ARHGEF12: variants seen among roughly 807,000 people sequenced by gnomAD.
ARHGEF12 encodes KMT2A/ARHGEF12 fusion protein.
ARHGEF12 carries 66 observed loss-of-function variants against 211.2 expected under a neutral mutation model. The ratio of observed to expected loss-of-function variants is 0.31; its 90% confidence interval spans 0.26 to 0.38. The LOEUF (loss-of-function observed/expected upper bound fraction) is 0.38. Ranked by LOEUF, ARHGEF12 falls within the 10% of genes least tolerant of loss-of-function variation. The probability of loss-of-function intolerance (pLI) is 1.00; values close to 1 mark genes in which losing one functional copy is unlikely to be tolerated. For missense variants in ARHGEF12, 1,429 were observed against 1,869.5 expected (o/e 0.76, Z 4.34); for synonymous variants, 592 against 638.4 (o/e 0.93, Z 1.09).
chr11:120,433,705 C>G (rs1343925799), intron 11 of ARHGEF12, among the ~76,000 whole-genome samples: 1 of 152,144 alleles, frequency 6.6e-6, no homozygotes, highest in Non-Finnish European at 1.5e-5. Context: ...CCTGTAATCC[C>G]AGCACTTTGG....
chr11:120,369,455 TATA>T, intron 1 of ARHGEF12, among the ~76,000 whole-genome samples: 1 of 152,190 alleles, frequency 6.6e-6, no homozygotes, highest in Non-Finnish European at 1.5e-5. Context: ...ATTGAAAACT[TATA>T]ATACATTTCA....
At chr11:120,344,229 G>A (rs1337904559) in intron 1 of ARHGEF12, among the ~76,000 whole-genome samples, 2 of 116,844 alleles carry the variant, frequency 1.7e-5, no homozygotes, top group East Asian at 2.9e-4. Context: ...TTGCACCACT[G>A]CACTCCTACC....
Position 120,429,598 on chromosome 11 carries a change from A to G in ARHGEF12, c.663+81A>G, listed in dbSNP as rs1016173618. On this transcript the variant is annotated intron_variant, in intron 9 of 40. Coordinates refer to ENST00000397843, the MANE Select transcript of ARHGEF12 (RefSeq NM_015313.3). ...GTTGAGTTGGTGTTTATCAGTCACA[A>G]TCAAGCAGCATTGTAACCAATGCCA... 3.0e-5 allele frequency: 47 copies of G among 1,569,786 alleles called. 1 individual carries two copies. The Middle Eastern group carries it at 6.7e-4, about 22-fold the overall frequency.
chr11:120,346,782 C>A lies in ARHGEF12; in HGVS notation c.32+9507C>A, dbSNP rs983113358. On this transcript the variant is annotated intron_variant, in intron 1 of 40. Transcript: ENST00000397843. ...AACCTCCCTTGTTCCCTTTATTACT[C>A]CAGCAGTTAATGTACGGACAATCTT... Among the ~76,000 whole-genome samples the A allele has an allele frequency of 4.6e-5, 7 of 152,258 alleles. No homozygotes were observed. The South Asian group carries it at 1.0e-3, about 23-fold the overall frequency.
intron 1 of ARHGEF12, among the ~76,000 whole-genome samples, chr11:120,370,813 C>G (rs1158631579): frequency 6.6e-6 from 1 of 152,082 alleles, no homozygotes; most frequent in Non-Finnish European, 1.5e-5. Context: ...TTCCCATCCC[C>G]CATTCCAACC....
intron 4 of ARHGEF12, among the ~76,000 whole-genome samples, chr11:120,416,238 C>T (rs954598536): frequency 6.6e-6 from 1 of 152,190 alleles, no homozygotes; most frequent in African/African-American, 2.4e-5. Flanking sequence ...GACTTGTCTA[C>T]TTGTCTGAAT....
chr11:120,458,649 A>G (rs1946433931), intron 25 of ARHGEF12: 1 of 212,748 alleles, frequency 4.7e-6, no homozygotes, highest in Non-Finnish European at 9.3e-6. Flanking sequence ...AGTGTTCTTT[A>G]TTTACCCTAG....
intron 22 of ARHGEF12, 128 bp from the exon 23 acceptor site, chr11:120,456,990 C>A: frequency 1.3e-6 from 1 of 772,782 alleles, no homozygotes. Context: ...TTCTAGTGAA[C>A]CTGCAGTTGT....
intron 21 of ARHGEF12, chr11:120,450,383 A>AT: frequency 6.6e-6 from 1 of 152,102 alleles, no homozygotes; most frequent in East Asian, 1.9e-4. Flanking sequence ...AAAAAAAAAA[A>AT]AAAAAAAAAA....
intron 1 of ARHGEF12, among the ~76,000 whole-genome samples, chr11:120,399,549 T>A (rs138036491): frequency 6.6e-6 from 1 of 152,050 alleles, no homozygotes. Context: ...AATGAATGCA[T>A]ACCAACTGTA....
In ARHGEF12 at chr11:120,489,747, A is replaced by G. The variant is rs1025226404; in HGVS notation, c.*4670A>G. The stretch of plus-strand genomic sequence containing the variant: ...ACATTTTAAAGATTAAGACTATTCA[A>G]ATGTACTTTGCGGAAATTAACCTGT... On this transcript the variant is annotated 3_prime_UTR_variant, in exon 41 of 41. Transcript: ENST00000397843. 5 of 196,060 alleles carry G rather than the reference A, an allele frequency of 2.6e-5. No individual in the cohort carries two copies. Among genetic ancestry groups the G allele is most frequent in the East Asian group, 2.4e-4 (3 of 12,530 alleles). 12.1% of individuals were successfully genotyped at this position (196,060 alleles called of 1,614,324 possible). A position where few individuals can be genotyped will look rare whatever the true frequency, so the allele number is the denominator to read the frequency against.
intron 39 of ARHGEF12, among the ~76,000 whole-genome samples, chr11:120,483,258 CTTTTTT>C (rs777120176): frequency 1.0e-5 from 1 of 97,504 alleles, no homozygotes; most frequent in African/African-American, 4.0e-5. Flanking sequence ...CCATAATAAT[CTTTTTT>C]TTTTTTTTTT....
intron 1 of ARHGEF12, among the ~76,000 whole-genome samples, chr11:120,401,154 CT>C (rs936481467): frequency 6.6e-5 from 10 of 152,094 alleles, no homozygotes; most frequent in African/African-American, 2.4e-4. Context: ...AACGTTCAGA[CT>C]TTTTTTTCTC....
At chr11:120,344,896 CT>C (rs977615605) in intron 1 of ARHGEF12, among the ~76,000 whole-genome samples, 3 of 152,332 alleles carry the variant, frequency 2.0e-5, no homozygotes, top group African/African-American at 7.2e-5. Flanking sequence ...AACTTGATTT[CT>C]GTAACCATTC....
intron 1 of ARHGEF12, among the ~76,000 whole-genome samples, chr11:120,390,248 A>AT (rs1249944699): frequency 6.6e-6 from 1 of 152,192 alleles, no homozygotes; most frequent in Admixed American, 6.5e-5. Context: ...TCACTCCAGA[A>AT]TTTAACAGAT....
At chr11:120,420,889 C>T (rs1945164685) in intron 5 of ARHGEF12, 38 bp downstream of exon 5, 2 of 1,544,374 alleles carry the variant, frequency 1.3e-6, no homozygotes, top group African/African-American at 1.4e-5. Context: ...ACTCAGTAAA[C>T]AGAGTAAGAA....
At position 120,449,265 on chromosome 11, in the gene ARHGEF12, C is replaced by T. The variant is rs115273429; in HGVS notation, c.1843+51C>T. Reference sequence around the variant, plus strand: ...TTTTCAGTACTCCAGGCCCTCTTCACATCAGAGGCTTCTTCAGCTAGAATG... The same window carrying T: ...TTTTCAGTACTCCAGGCCCTCTTCATATCAGAGGCTTCTTCAGCTAGAATG... On this transcript the variant is annotated intron_variant, in intron 21 of 40. Coordinates refer to ENST00000397843, the MANE Select transcript of ARHGEF12 (RefSeq NM_015313.3). The T allele has an allele frequency of 1.3e-3, 1,842 of 1,386,768 alleles. 12 individuals are homozygous for T. The African/African-American group carries it at 0.018, about 13-fold the overall frequency. The allele number at this position is 1,386,768 out of a possible 1,614,324, so 85.9% of individuals were successfully genotyped here. A position where few individuals can be genotyped will look rare whatever the true frequency, so the allele number is the denominator to read the frequency against.
intron 27 of ARHGEF12, 65 bp downstream of exon 27, chr11:120,460,822 G>A: frequency 7.4e-7 from 1 of 1,353,958 alleles, no homozygotes. Flanking sequence ...TTCAAGTTGA[G>A]TAACTAACCT....
intron 1 of ARHGEF12, among the ~76,000 whole-genome samples, chr11:120,347,302 G>GTT (rs891744203): frequency 7.0e-6 from 1 of 143,398 alleles, no homozygotes; most frequent in Admixed American, 7.1e-5. Context: ...GTGTGTGTGT[G>GTT]TGTGTAGCAG....
Sources: gnomAD v4.1 joint callset for allele counts (sites outside exome capture counted in the v4.1 genomes callset) on GRCh38, gnomAD v4.1.1 for gene constraint, MANE v1.5 for transcripts, NCBI Gene and HGNC (gene_info 2026-07-23, HGNC 2026-07-21) for gene names.